Variants in MAP3K5 observed in about 807,000 individuals in gnomAD.
MAP3K5 encodes the protein mitogen-activated protein kinase kinase kinase 5.
A neutral mutation model predicts 158.7 loss-of-function variants in MAP3K5; 56 were observed. The ratio of observed to expected loss-of-function variants is 0.35; its 90% confidence interval spans 0.28 to 0.44. The LOEUF is 0.44. Ranked by LOEUF, MAP3K5 falls within the 20% of genes least tolerant of loss-of-function variation. The pLI is 1.00. For synonymous variants in MAP3K5, 579 were observed against 601.7 expected, an observed-to-expected ratio of 0.96 and a Z score of 0.55; for missense variants, 1,294 against 1,674.8, an observed-to-expected ratio of 0.77 and a Z score of 3.97.
At chr6:136,601,543 G>A (rs574065339) in intron 20 of MAP3K5, among the ~76,000 whole-genome samples, 24 of 152,256 alleles carry the variant, frequency 1.6e-4, no homozygotes, top group Non-Finnish European at 2.8e-4. Flanking sequence ...CAATGTTAGA[G>A]TGATATAGAT....
chr6:136,710,686 G>C (rs1781270025), intron 2 of MAP3K5, among the ~76,000 whole-genome samples: 1 of 152,268 alleles, frequency 6.6e-6, no homozygotes, highest in African/African-American at 2.4e-5. Context: ...GGGTGGCCAA[G>C]TCAAATCAAA....
chr6:136,791,840 C>T lies in MAP3K5; in HGVS notation c.318G>A (p.Val106=). ...TCTGCAGGGCCTCGCTCTCGGCCACCACCAGTTGCCCTTGGCTCGCTTCGT... is the reference window on the plus strand; with the variant it reads ...TCTGCAGGGCCTCGCTCTCGGCCACTACCAGTTGCCCTTGGCTCGCTTCGT... ...VINEASQGQL[V]VAESEALQSL... The change falls in exon 1 of 30, where the codon GTG becomes GTA. Residue 106 remains valine, a synonymous_variant. Coordinates refer to ENST00000359015, the MANE Select transcript of MAP3K5 (RefSeq NM_005923.4). 6.2e-7 allele frequency: 1 copy of T among 1,613,890 alleles called. No individual in the cohort carries two copies. Among genetic ancestry groups the T allele is most frequent in the Non-Finnish European group, 8.5e-7 (1 of 1,180,012 alleles).
chr6:136,697,421 C>T (rs369445606), intron 4 of MAP3K5, 34 bp from the exon 5 acceptor site: 8 of 1,519,022 alleles, frequency 5.3e-6, no homozygotes, highest in African/African-American at 4.2e-5. Context: ...AAGAGTTTGA[C>T]ATTAGAAACA....
chr6:136,668,991 T>C (rs1353312771), intron 8 of MAP3K5, among the ~76,000 whole-genome samples: 7 of 151,906 alleles, frequency 4.6e-5, no homozygotes, highest in African/African-American at 1.7e-4. Flanking sequence ...TATTTAGGAG[T>C]TGGGGGTTGA....
intron 28 of MAP3K5, among the ~76,000 whole-genome samples, chr6:136,559,994 G>A (rs917570657): frequency 5.9e-5 from 9 of 152,152 alleles, no homozygotes; most frequent in South Asian, 2.1e-4. Context: ...AAGGCGGCCC[G>A]AAATTCTACT....
At chr6:136,643,173 T>C (rs1264437294) in intron 11 of MAP3K5, among the ~76,000 whole-genome samples, 9 of 152,234 alleles carry the variant, frequency 5.9e-5, no homozygotes, top group Admixed American at 2.6e-4. Flanking sequence ...TTGATTGTCA[T>C]ACTATAAACA....
At chr6:136,742,338 T>C (rs1311955612) in intron 1 of MAP3K5, among the ~76,000 whole-genome samples, 1 of 151,444 alleles carries the variant, frequency 6.6e-6, no homozygotes, top group African/African-American at 2.4e-5. Flanking sequence ...ATAAACACAG[T>C]CAACTGATGT....
chr6:136,695,920 C>G, intron 6 of MAP3K5, 31 bp downstream of exon 6: 2 of 1,299,760 alleles, frequency 1.5e-6, no homozygotes, highest in Non-Finnish European at 2.2e-6. Context: ...AATATGTTAA[C>G]GCATTCTGGA....
intron 1 of MAP3K5, among the ~76,000 whole-genome samples, chr6:136,788,678 T>C (rs1562708544): frequency 2.6e-5 from 4 of 152,042 alleles, no homozygotes; most frequent in African/African-American, 9.7e-5. Context: ...ATCAGAGAAA[T>C]GCAAATCAAA....
chr6:136,701,096 G>A (rs761103747), intron 3 of MAP3K5, among the ~76,000 whole-genome samples: 1 of 152,178 alleles, frequency 6.6e-6, no homozygotes, highest in Non-Finnish European at 1.5e-5. Flanking sequence ...GTAAGGCTTA[G>A]AGAGATCGTA....
Position 136,773,008 on chromosome 6 carries a change from A to G in MAP3K5, c.448+18702T>C, listed in dbSNP as rs111544361. On this transcript the variant is annotated intron_variant, in intron 1 of 29. Coordinates refer to ENST00000359015, the MANE Select transcript of MAP3K5 (RefSeq NM_005923.4). ...CTTAAGCTGTATCAGTGTGAATTCA[A>G]ATTTCTCTAAGTTAAGAGATTCTCG... Among the ~76,000 whole-genome samples the G allele has an allele frequency of 2.3e-3, 352 of 152,320 alleles. 1 individual carries two copies. The highest frequency in any genetic ancestry group is 7.7e-3 in the African/African-American group (321 of 41,564).
At chr6:136,701,076 G>A (rs1780834515) in intron 3 of MAP3K5, among the ~76,000 whole-genome samples, 1 of 152,196 alleles carries the variant, frequency 6.6e-6, no homozygotes, top group African/African-American at 2.4e-5. Context: ...TTTTAAAAGT[G>A]AGGAGACAGG....
In MAP3K5 at chr6:136,613,008, T is replaced by C; in HGVS notation, c.2415+112A>G. 1 of 1,013,162 alleles carries C rather than the reference T, an allele frequency of 9.9e-7. No homozygotes were observed. The highest frequency in any genetic ancestry group is 2.5e-5 in the East Asian group (1 of 39,302). 62.8% of individuals were successfully genotyped at this position (1,013,162 alleles called of 1,614,324 possible). On this transcript the variant is annotated intron_variant, in intron 17 of 29. Coordinates refer to ENST00000359015, the MANE Select transcript of MAP3K5 (RefSeq NM_005923.4). This position sits in a 1 kb window ranked among gnomAD's most constrained non-coding sequence, Gnocchi z 4.0. ...TTTTATATTTCTGCTGTTTCTAAGA[T>C]TTACTTATTCACCATTCTAAATTAA... is the stretch of plus-strand genomic sequence containing the variant.
intron 1 of MAP3K5, among the ~76,000 whole-genome samples, chr6:136,746,020 G>A (rs1276916206): frequency 6.6e-6 from 1 of 152,192 alleles, no homozygotes; most frequent in East Asian, 1.9e-4. Context: ...GAAGAAGCAG[G>A]AAGACTAGTT....
At chr6:136,617,681 C>T (rs1425326325) in intron 15 of MAP3K5, among the ~76,000 whole-genome samples, 1 of 152,160 alleles carries the variant, frequency 6.6e-6, no homozygotes, top group African/African-American at 2.4e-5. Context: ...CTCCTGTAAT[C>T]CCAGCACTTT....
intron 15 of MAP3K5, among the ~76,000 whole-genome samples, chr6:136,617,042 C>T (rs1776597102): frequency 6.6e-6 from 1 of 152,078 alleles, no homozygotes; most frequent in South Asian, 2.1e-4. Context: ...AATCAAAAGA[C>T]TCCCACCTCC....
chr6:136,791,807 C>G lies in MAP3K5; in HGVS notation c.351G>C (p.Arg117=). Reference sequence around the variant, plus strand: ...TGGCGCCCACTGTCTCGCACGCCTCCCGCAAGCTCTGCAGGGCCTCGCTCT... The same window carrying G: ...TGGCGCCCACTGTCTCGCACGCCTCGCGCAAGCTCTGCAGGGCCTCGCTCT... ...VAESEALQSL[R]EACETVGATL... The change falls in exon 1 of 30, where the codon CGG becomes CGC. Residue 117 remains arginine, a synonymous_variant. Coordinates refer to ENST00000359015, the MANE Select transcript of MAP3K5 (RefSeq NM_005923.4). 1 of 1,613,776 alleles carries G rather than the reference C, an allele frequency of 6.2e-7. No homozygotes were observed. Among genetic ancestry groups the G allele is most frequent in the Non-Finnish European group, 8.5e-7 (1 of 1,180,018 alleles).
At position 136,607,562 on chromosome 6, in the gene MAP3K5, A is replaced by G. The variant is rs559669413; in HGVS notation, c.2522-2196T>C. Among the ~76,000 whole-genome samples the G allele has an allele frequency of 9.8e-5, 15 of 152,376 alleles. No homozygotes were observed. In the East Asian group the frequency reaches 1.3e-3, roughly 14 times the overall value. ...CTGAACACTGGCTTAAGTAAAATCA[A>G]TGAGAGTATTTGCTCTAAAACTCAT... is the stretch of plus-strand genomic sequence containing the variant. On this transcript the variant is annotated intron_variant, in intron 18 of 29. Coordinates refer to ENST00000359015, the MANE Select transcript of MAP3K5 (RefSeq NM_005923.4).
chr6:136,773,244 A>C (rs758495833), intron 1 of MAP3K5, among the ~76,000 whole-genome samples: 3 of 152,192 alleles, frequency 2.0e-5, no homozygotes, highest in Non-Finnish European at 4.4e-5. Context: ...CAGCCAGGCC[A>C]CGTGCCTTAC....
Sources: gnomAD v4.1 joint callset for allele counts (sites outside exome capture counted in the v4.1 genomes callset) on GRCh38, gnomAD v4.1.1 for gene constraint, Gnocchi (gnomAD v3.1) non-coding constraint, MANE v1.5 for transcripts, NCBI Gene and HGNC (gene_info 2026-07-23, HGNC 2026-07-21) for gene names.